Variants in ST7 observed in about 807,000 individuals in gnomAD.
ST7 encodes the protein suppression of tumorigenicity 7, also known as suppressor of tumorigenicity 7 protein.
Under a neutral mutation model 78.7 loss-of-function variants are expected in ST7, and 28 were observed. That is an observed-to-expected ratio of 0.36 (90% CI 0.26 to 0.49). The LOEUF is 0.49. Among genes scored for constraint, ST7 ranks in the 20% least tolerant of loss-of-function variants. The pLI, the probability that ST7 is intolerant of heterozygous loss-of-function variation, is 0.99. For missense variants in ST7, 418 were observed against 696.0 expected, an observed-to-expected ratio of 0.60 and a Z score of 4.49; for synonymous variants, 247 against 249.6, an observed-to-expected ratio of 0.99 and a Z score of 0.10.
At chr7:117,032,906 C>A (rs1437448368) in intron 1 of ST7, among the ~76,000 whole-genome samples, 1 of 152,178 alleles carries the variant, frequency 6.6e-6, no homozygotes, top group South Asian at 2.1e-4. Context: ...GGCAGGCCTA[C>A]TCTGTTAGTT....
intron 1 of ST7, among the ~76,000 whole-genome samples, chr7:117,069,637 C>T (rs1346016691): frequency 6.6e-6 from 1 of 152,314 alleles, no homozygotes; most frequent in East Asian, 1.9e-4. Context: ...CTTGTTACTT[C>T]TGTGGAGACT....
intron 9 of ST7, among the ~76,000 whole-genome samples, chr7:117,141,938 G>A (rs1449906977): frequency 6.6e-6 from 1 of 151,788 alleles, no homozygotes; most frequent in Non-Finnish European, 1.5e-5. Flanking sequence ...CCAAAATTCT[G>A]AGATTACTGG....
intron 1 of ST7, among the ~76,000 whole-genome samples, chr7:117,053,245 A>G (rs1474960119): frequency 6.6e-6 from 1 of 152,232 alleles, no homozygotes; most frequent in Non-Finnish European, 1.5e-5. Flanking sequence ...TGTCTACTCC[A>G]GGCAGCTATA....
intron 9 of ST7, among the ~76,000 whole-genome samples, chr7:117,168,986 A>G (rs1807774020): frequency 6.6e-6 from 1 of 152,230 alleles, no homozygotes; most frequent in African/African-American, 2.4e-5. Context: ...GCAGTTATCC[A>G]GGTAGAGGAT....
At chr7:117,203,303 C>T (rs1402792240) in intron 12 of ST7, among the ~76,000 whole-genome samples, 5 of 152,236 alleles carry the variant, frequency 3.3e-5, no homozygotes, top group African/African-American at 4.8e-5. Flanking sequence ...CTAAAGCCTT[C>T]ATTTTCCCAT....
Position 117,030,291 on chromosome 7 carries a change from A to C in ST7, c.152-69471A>C, listed in dbSNP as rs146406337. Reference sequence around the variant, plus strand: ...TGGAATGACTTATATTACCCACTGAATATATGTTTCTAGGGAACATATAGT... The same window carrying C: ...TGGAATGACTTATATTACCCACTGACTATATGTTTCTAGGGAACATATAGT... On this transcript the variant is annotated intron_variant, in intron 1 of 15. Coordinates refer to ENST00000323984, the MANE Select transcript of ST7 (RefSeq NM_001369598.1). 8.3e-3 allele frequency among the ~76,000 whole-genome samples: 1,259 copies of C among 152,316 alleles called. 11 individuals are homozygous for C. The highest frequency in any genetic ancestry group is 1.0e-2 in the Non-Finnish European group (679 of 68,022).
At chr7:117,200,704 A>G (rs910232229) in intron 12 of ST7, among the ~76,000 whole-genome samples, 1 of 152,134 alleles carries the variant, frequency 6.6e-6, no homozygotes, top group Non-Finnish European at 1.5e-5. Flanking sequence ...GACCTAGCCC[A>G]GTACGTATTT....
chr7:117,174,206 C>T (rs1808200299), intron 10 of ST7, among the ~76,000 whole-genome samples: 1 of 152,116 alleles, frequency 6.6e-6, no homozygotes, highest in South Asian at 2.1e-4. Context: ...ATTTTTCATA[C>T]TCTTGTATTT....
At chr7:117,201,154 T>C (rs916962596) in intron 12 of ST7, among the ~76,000 whole-genome samples, 2 of 152,222 alleles carry the variant, frequency 1.3e-5, no homozygotes, top group Non-Finnish European at 2.9e-5. Context: ...CTGTCTATGA[T>C]ATTATATATC....
chr7:116,969,233 T>C (rs1793295247), intron 1 of ST7, among the ~76,000 whole-genome samples: 1 of 152,234 alleles, frequency 6.6e-6, no homozygotes, highest in African/African-American at 2.4e-5. Flanking sequence ...ACTTTCCTTG[T>C]TTTTGATAAC....
intron 1 of ST7, among the ~76,000 whole-genome samples, chr7:116,990,771 T>C (rs1257828703): frequency 6.6e-6 from 1 of 152,202 alleles, no homozygotes; most frequent in Non-Finnish European, 1.5e-5. Flanking sequence ...TTTGTTACTA[T>C]TTTTTAGTTG....
chr7:117,011,573 T>G (rs1442996672), intron 1 of ST7, among the ~76,000 whole-genome samples: 1 of 152,194 alleles, frequency 6.6e-6, no homozygotes, highest in African/African-American at 2.4e-5. Flanking sequence ...CCGTGTTGGC[T>G]AGACTCCAGG....
At chr7:116,958,162 A>ATTTTTTTTTT (rs34132237) in intron 1 of ST7, among the ~76,000 whole-genome samples, 5 of 95,614 alleles carry the variant, frequency 5.2e-5, no homozygotes, top group East Asian at 3.2e-4. Context: ...TGCGTGGCTA[A>ATTTTTTTTTT]TTTTTTTTTT....
chr7:117,146,955 T>G (rs947667676), intron 9 of ST7, among the ~76,000 whole-genome samples: 49 of 152,310 alleles, frequency 3.2e-4, no homozygotes, highest in African/African-American at 1.2e-3. Flanking sequence ...TAGATCCCTC[T>G]TAAAATATAG....
chr7:117,147,508 G>A (rs1196474034), intron 9 of ST7, among the ~76,000 whole-genome samples: 2 of 151,732 alleles, frequency 1.3e-5, no homozygotes, highest in Non-Finnish European at 2.9e-5. Context: ...ATTACATATA[G>A]CTTTTCATGA....
intron 9 of ST7, among the ~76,000 whole-genome samples, chr7:117,145,063 G>A (rs1366691264): frequency 6.6e-6 from 1 of 152,036 alleles, no homozygotes; most frequent in Non-Finnish European, 1.5e-5. Flanking sequence ...AGCCAGGTGT[G>A]GTAGCACACG....
At chr7:116,976,795 C>T (rs117533613) in intron 1 of ST7, among the ~76,000 whole-genome samples, 1 of 152,122 alleles carries the variant, frequency 6.6e-6, no homozygotes, top group East Asian at 2.0e-4. Flanking sequence ...CCATTATATA[C>T]CTCACCAGTA....
At chr7:117,192,152 T>C (rs951925609) in intron 12 of ST7, among the ~76,000 whole-genome samples, 1 of 152,244 alleles carries the variant, frequency 6.6e-6, no homozygotes, top group African/African-American at 2.4e-5. Context: ...TATAATATTT[T>C]TCACCTAAGA....
chr7:117,184,868 GTTGGGAGAAGCT>G, intron 10 of ST7, among the ~76,000 whole-genome samples: 1 of 152,300 alleles, frequency 6.6e-6, no homozygotes, highest in African/African-American at 2.4e-5. Flanking sequence ...AAATATCACC[GTTGGGAGAAGCT>G]GAGTGAAACA....
Sources: allele counts gnomAD v4.1 joint callset (sites outside exome capture counted in the v4.1 genomes callset), GRCh38; gene constraint gnomAD v4.1.1; transcripts MANE v1.5; gene names NCBI Gene and HGNC (gene_info 2026-07-23, HGNC 2026-07-21).